Variants in ZNF124 observed in about 807,000 individuals in gnomAD.
The protein encoded by ZNF124 is zinc finger protein HZF-16.
A neutral mutation model predicts 26.6 loss-of-function variants in ZNF124; 25 were observed. The ratio of observed to expected loss-of-function variants is 0.94; its 90% CI spans 0.68 to 1.31. The LOEUF (loss-of-function observed/expected upper bound fraction) is 1.31. Ranked by LOEUF, ZNF124 falls within the 40% of genes most tolerant of loss-of-function variation. The probability of loss-of-function intolerance (pLI) is 0.00; values close to 1 mark genes in which losing one functional copy is unlikely to be tolerated. For missense variants in ZNF124, 444 were observed against 422.2 expected, an observed-to-expected ratio of 1.05 and a Z score of -0.45; for synonymous variants, 129 against 133.3, an observed-to-expected ratio of 0.97 and a Z score of 0.22.
At chr1:247,144,726 C>T (rs747230005) in intron 3 of ZNF124, among the ~76,000 whole-genome samples, 3 of 152,084 alleles carry the variant, frequency 2.0e-5, no homozygotes, top group Non-Finnish European at 4.4e-5. Context: ...TAGTCTAGTA[C>T]AAACTAAGCT....
At chr1:247,151,689 A>G (rs913998260), downstream of ZNF124, among the ~76,000 whole-genome samples, 16 of 152,210 alleles carry the variant, frequency 1.1e-4, no homozygotes, top group African/African-American at 3.9e-4. Flanking sequence ...ATGTTTCACC[A>G]ATACCAATAC....
At chr1:247,170,392 T>C (rs200230415) in intron 1 of ZNF124, among the ~76,000 whole-genome samples, 32 of 100,762 alleles carry the variant, frequency 3.2e-4, no homozygotes, top group East Asian at 1.0e-3. Context: ...ACTGGAAATT[T>C]AGAATTTTAC....
rs1441220709 is a variant in ZNF124 at position 247,156,069 on chromosome 1, T to C, written c.*497A>G. The C allele has an allele frequency of 2.1e-6, 2 of 973,724 alleles. No individual in the cohort carries two copies. Among genetic ancestry groups the C allele is most frequent in the African/African-American group, 3.5e-5 (2 of 56,978 alleles). The allele number at this position is 973,724 out of a possible 1,614,324, so 60.3% of individuals were successfully genotyped here. The stretch of plus-strand genomic sequence containing the variant: ...TTCCATAATATTTACATTTACAGGA[T>C]TTATTTCCAGTGGGAGTTTTCACAT... On this transcript the variant is annotated 3_prime_UTR_variant, in exon 4 of 4. Transcript: ENST00000543802.
chr1:247,152,310 T>TATAA (rs1339865786), downstream of ZNF124, among the ~76,000 whole-genome samples: 2 of 148,904 alleles, frequency 1.3e-5, no homozygotes, highest in Non-Finnish European at 3.0e-5. Context: ...TAAAACAAAA[T>TATAA]ATAAATAAAT....
intron 3 of ZNF124, among the ~76,000 whole-genome samples, chr1:247,134,652 T>C (rs950385851): frequency 6.6e-6 from 1 of 152,208 alleles, no homozygotes; most frequent in East Asian, 1.9e-4. Context: ...TGTGTAATAA[T>C]AGTATGAGAT....
intron 3 of ZNF124, among the ~76,000 whole-genome samples, chr1:247,149,133 T>TAAAAAAATCCTGA (rs1488590605): frequency 6.6e-6 from 1 of 152,108 alleles, no homozygotes; most frequent in African/African-American, 2.4e-5. Flanking sequence ...TTCTTTCATT[T>TAAAAAAATCCTGA]AAAAAAATCC....
intron 3 of ZNF124, among the ~76,000 whole-genome samples, chr1:247,143,623 A>G (rs1385202727): frequency 6.6e-6 from 1 of 152,206 alleles, no homozygotes; most frequent in African/African-American, 2.4e-5. Context: ...ATTACTCCTG[A>G]GAGACTCCAT....
At chr1:247,126,149 T>C (rs533697342) in intron 3 of ZNF124, among the ~76,000 whole-genome samples, 1 of 151,750 alleles carries the variant, frequency 6.6e-6, no homozygotes, top group South Asian at 2.1e-4. Flanking sequence ...ATATCATATA[T>C]ATTATTCACA....
At chr1:247,162,958 T>C (rs145647130) in intron 1 of ZNF124, among the ~76,000 whole-genome samples, 1 of 152,216 alleles carries the variant, frequency 6.6e-6, no homozygotes, top group East Asian at 1.9e-4. Flanking sequence ...TACAGAACTC[T>C]TCACCAAAAA....
chr1:247,169,478 T>C (rs1673970321), intron 1 of ZNF124, among the ~76,000 whole-genome samples: 2 of 152,156 alleles, frequency 1.3e-5, no homozygotes, highest in African/African-American at 4.8e-5. Flanking sequence ...CATTTCTGTC[T>C]CTCCCTCAAA....
intron 3 of ZNF124, among the ~76,000 whole-genome samples, chr1:247,144,955 TA>T (rs1168551394): frequency 3.3e-5 from 5 of 152,108 alleles, no homozygotes; most frequent in African/African-American, 1.2e-4. Flanking sequence ...TTTGTATTTT[TA>T]GTAGAACCGG....
At chr1:247,147,818 A>C (rs1672825844) in intron 3 of ZNF124, among the ~76,000 whole-genome samples, 1 of 152,074 alleles carries the variant, frequency 6.6e-6, no homozygotes, top group Non-Finnish European at 1.5e-5. Context: ...AACACATACA[A>C]CAAAATTCTA....
intron 3 of ZNF124, among the ~76,000 whole-genome samples, chr1:247,139,172 G>A (rs1324180539): frequency 6.6e-6 from 1 of 152,194 alleles, no homozygotes; most frequent in African/African-American, 2.4e-5. Flanking sequence ...GACCTCCTGG[G>A]GTTGTGTCAT....
At chr1:247,167,438 G>A (rs998428535) in intron 1 of ZNF124, among the ~76,000 whole-genome samples, 5 of 152,168 alleles carry the variant, frequency 3.3e-5, no homozygotes, top group African/African-American at 1.2e-4. Flanking sequence ...ACCAATTTAT[G>A]TACCACACTT....
chr1:247,124,177 A>G (rs147554205), intron 3 of ZNF124, among the ~76,000 whole-genome samples: 28 of 149,518 alleles, frequency 1.9e-4, no homozygotes, highest in African/African-American at 6.1e-4. Flanking sequence ...CACACGTAAA[A>G]TTTAGCCATT....
intron 1 of ZNF124, among the ~76,000 whole-genome samples, chr1:247,160,104 G>C (rs938824448): frequency 2.0e-5 from 3 of 147,904 alleles, no homozygotes; most frequent in African/African-American, 7.5e-5. Context: ...TCCTGCCTCT[G>C]CCTCTCAAGT....
Position 247,155,847 on chromosome 1 carries a change from T to G in ZNF124, c.*719A>C, listed in dbSNP as rs1354188353. On this transcript the variant is annotated 3_prime_UTR_variant, in exon 4 of 4. Coordinates refer to ENST00000543802, the MANE Select transcript of ZNF124 (RefSeq NM_001297568.2). ...CTGCACACCAGCCTGGGCGACAAAG[T>G]GAGACTCCATCTCAAAAAAAAAAAA... 6.4e-6 allele frequency: 5 copies of G among 780,598 alleles called. No individual in the cohort carries two copies. The African/African-American group carries it at 8.4e-5, about 13-fold the overall frequency. 48.4% of individuals were successfully genotyped at this position (780,598 alleles called of 1,614,324 possible).
chr1:247,155,579 C>CA lies in ZNF124; in HGVS notation c.*986dup. Among the ~76,000 whole-genome samples, 1 of 152,176 alleles carries CA rather than the reference C, an allele frequency of 6.6e-6. No homozygotes were observed. The highest frequency in any genetic ancestry group is 2.1e-4 in the South Asian group (1 of 4,826). ...AAGAATACTTACAGAAGTCTTGCCT[C>CA]AGCTGGGCGTGGTGGCTCACGCCTG... On this transcript the variant is annotated 3_prime_UTR_variant, in exon 4 of 4. Transcript: ENST00000543802.
At chr1:247,151,582 AT>A (rs1161369049), downstream of ZNF124, among the ~76,000 whole-genome samples, 1 of 152,184 alleles carries the variant, frequency 6.6e-6, no homozygotes, top group Non-Finnish European at 1.5e-5. Flanking sequence ...AAGTGGTACA[AT>A]TTTGGAAAAC....
Sources: gnomAD v4.1 joint callset for allele counts (sites outside exome capture counted in the v4.1 genomes callset) on GRCh38, gnomAD v4.1.1 for gene constraint, MANE v1.5 for transcripts, NCBI Gene and HGNC (gene_info 2026-07-23, HGNC 2026-07-21) for gene names.